The following CACNG6 variants were observed in gnomAD, a reference collection of about 807,000 sequenced individuals.
The protein encoded by CACNG6 is voltage-dependent calcium channel gamma-6 subunit.
Under a neutral mutation model 23.9 loss-of-function variants are expected in CACNG6, and 21 were observed. The observed-to-expected ratio is 0.88, with a 90% CI of 0.62 to 1.26. CACNG6 has a LOEUF of 1.26. CACNG6 is among the 50% of genes most tolerant of loss of function. CACNG6 has a pLI of 0.00. For synonymous variants in CACNG6, 182 were observed against 168.9 expected (o/e 1.08, Z -0.60); for missense variants, 340 against 352.9 (o/e 0.96, Z 0.29).
At chr19:54,002,284 G>GTTTTTTTTTTTTTTTGTT (rs139176353) in intron 3 of CACNG6, among the ~76,000 whole-genome samples, 3 of 117,422 alleles carry the variant, frequency 2.6e-5, no homozygotes, top group South Asian at 2.5e-4. Flanking sequence ...TGTTTTTTTT[G>GTTTTTTTTTTTTTTTGTT]TTTTTTTTTT....
intron 1 of CACNG6, among the ~76,000 whole-genome samples, chr19:53,994,383 C>T (rs1024599464): frequency 3.3e-5 from 5 of 152,174 alleles, no homozygotes; most frequent in Non-Finnish European, 5.9e-5. Context: ...CATACTCCCT[C>T]CTTTCCCAAA....
chr19:54,011,439 A>C (rs994921474), intron 3 of CACNG6, among the ~76,000 whole-genome samples: 1 of 148,478 alleles, frequency 6.7e-6, no homozygotes, highest in African/African-American at 2.5e-5. Context: ...TCAAAAAAAA[A>C]AAAAAAAAAA....
At chr19:54,004,338 TGTGTGTGTGTGTG>T (rs2069614160) in intron 3 of CACNG6, among the ~76,000 whole-genome samples, 293 of 20,714 alleles carry the variant, frequency 0.014, 8 homozygotes, top group African/African-American at 0.031. Flanking sequence ...TGTATTTTTG[TGTGTGTGTGTGTG>T]TGTGTGTGTG....
intron 3 of CACNG6, among the ~76,000 whole-genome samples, chr19:54,011,363 G>A (rs1371019909): frequency 6.9e-6 from 1 of 145,084 alleles, no homozygotes; most frequent in Non-Finnish European, 1.5e-5. Context: ...ATCAGGAGGC[G>A]GAGTTTGCAA....
chr19:53,995,103 T>A (rs1383228641), intron 1 of CACNG6, among the ~76,000 whole-genome samples: 1 of 152,000 alleles, frequency 6.6e-6, no homozygotes, highest in Admixed American at 6.6e-5. Flanking sequence ...CCCAGGCTAG[T>A]TAGATGGAAT....
intron 1 of CACNG6, among the ~76,000 whole-genome samples, chr19:53,995,139 A>G (rs2069507900): frequency 6.6e-6 from 1 of 152,094 alleles, no homozygotes; most frequent in Admixed American, 6.5e-5. Flanking sequence ...CTCTCTTCTC[A>G]ACAACTGCAT....
chr19:53,999,803 T>C (rs777690695), intron 3 of CACNG6, 32 bp downstream of exon 3: 2 of 1,609,408 alleles, frequency 1.2e-6, no homozygotes, highest in South Asian at 1.1e-5. Context: ...GCTGAGGACA[T>C]TGCATGCTGG....
chr19:54,006,091 AAAATAAAT>A (rs71193802), intron 3 of CACNG6, among the ~76,000 whole-genome samples: 11 of 140,590 alleles, frequency 7.8e-5, no homozygotes, highest in African/African-American at 2.3e-4. Flanking sequence ...CTCTGTTTCA[AAAATAAAT>A]AAATAAATAA....
chr19:53,992,911 A>G lies in CACNG6; in HGVS notation c.34A>G (p.Asn12Asp). 1 of 1,405,850 alleles carries G rather than the reference A, an allele frequency of 7.1e-7. No individual in the cohort carries two copies. The highest frequency in any genetic ancestry group is 1.9e-5 in the South Asian group (1 of 52,440). 87.1% of individuals were successfully genotyped at this position (1,405,850 alleles called of 1,614,324 possible). A position where few individuals can be genotyped will look rare whatever the true frequency, so the allele number is the denominator to read the frequency against. The change falls in exon 1 of 4, where the codon AAC becomes GAC. Residue 12 changes from asparagine to aspartate, a missense_variant. By Grantham distance (23) the Asn-to-Asp change is conservative (BLOSUM62 1). Coordinates refer to ENST00000252729, the MANE Select transcript of CACNG6 (RefSeq NM_145814.2). The surrounding 1 kb of genome is among the most constrained non-coding windows in gnomAD (Gnocchi z 4.1). ...MWSNFFLQEE[N>D]RRRGAAGRRR... is the part of the protein sequence containing the mutation. ...GTCCAACTTCTTCCTGCAAGAGGAGAACCGGCGGCGGGGGGCCGCGGGCCG... is the reference window on the plus strand; with the variant it reads ...GTCCAACTTCTTCCTGCAAGAGGAGGACCGGCGGCGGGGGGCCGCGGGCCG...
Position 53,992,601 on chromosome 19 carries a change from C to G in CACNG6, c.-277C>G. On this transcript the variant is annotated 5_prime_UTR_variant, in exon 1 of 4. Transcript: ENST00000252729. The surrounding 1 kb of genome is among the most constrained non-coding windows in gnomAD (Gnocchi z 4.1). Reference sequence around the variant, plus strand: ...GGGGGCCTTGTTTTTCCTCTGGGCCCCGTCTTCTTTGCCAAGTTCTTGAGG... The same window carrying G: ...GGGGGCCTTGTTTTTCCTCTGGGCCGCGTCTTCTTTGCCAAGTTCTTGAGG... 3.5e-6 allele frequency: 1 copy of G among 285,680 alleles called. No individual in the cohort carries two copies. The highest frequency in any genetic ancestry group is 6.5e-6 in the Non-Finnish European group (1 of 154,448). 17.7% of individuals were successfully genotyped at this position (285,680 alleles called of 1,614,324 possible). A position where few individuals can be genotyped will look rare whatever the true frequency, so the allele number is the denominator to read the frequency against.
chr19:53,991,346 TTGCTGCCCCGCCCGTCTCC>T (rs2069456256), upstream of CACNG6, among the ~76,000 whole-genome samples: 6 of 151,676 alleles, frequency 4.0e-5, no homozygotes, highest in South Asian at 1.3e-3. Context: ...CCAGTCAGAC[TTGCTGCCCCGCCCGTCTCC>T]TGCTGCCCGG....
chr19:53,994,493 C>T (rs2069501423), intron 1 of CACNG6, among the ~76,000 whole-genome samples: 1 of 152,104 alleles, frequency 6.6e-6, no homozygotes, highest in Non-Finnish European at 1.5e-5. Flanking sequence ...CATTCTATAC[C>T]CCTTGGGAAC....
chr19:54,012,099 G>A lies in CACNG6; in HGVS notation c.693G>A (p.Leu231=). 2 of 1,576,238 alleles carry A rather than the reference G, an allele frequency of 1.3e-6. No individual in the cohort carries two copies. Among genetic ancestry groups the A allele is most frequent in the Non-Finnish European group, 1.7e-6 (2 of 1,163,214 alleles). ...LGCGVGAGLI[L]LLGAGCFLLL... is the part of the protein sequence containing the mutation. Reference sequence around the variant, plus strand: ...GCGGCGTGGGGGCCGGCCTGATCCTGCTGTTGGGGGCCGGCTGCTTTCTGC... The same window carrying A: ...GCGGCGTGGGGGCCGGCCTGATCCTACTGTTGGGGGCCGGCTGCTTTCTGC... Residue 231 remains leucine, a synonymous_variant, in exon 4 of 4, where the codon CTG becomes CTA. Transcript: ENST00000252729.
Position 53,992,064 on chromosome 19 carries a change from T to C in CACNG6, c.-814T>C, listed in dbSNP as rs1303406457. Reference sequence around the variant, plus strand: ...CCACCGGCCCCTTTTCCAGGCTCAGTAGAGACCTCGGATCTTTTCTGAATG... The same window carrying C: ...CCACCGGCCCCTTTTCCAGGCTCAGCAGAGACCTCGGATCTTTTCTGAATG... On this transcript the variant is annotated 5_prime_UTR_variant, in exon 1 of 4. Coordinates refer to ENST00000252729, the MANE Select transcript of CACNG6 (RefSeq NM_145814.2). This position sits in a 1 kb window ranked among gnomAD's most constrained non-coding sequence, Gnocchi z 4.1. Among the ~76,000 whole-genome samples, 1 of 152,166 alleles carries C rather than the reference T, an allele frequency of 6.6e-6. No homozygotes were observed. The highest frequency in any genetic ancestry group is 1.5e-5 in the Non-Finnish European group (1 of 68,026).
chr19:54,006,627 G>A (rs891857796), intron 3 of CACNG6, among the ~76,000 whole-genome samples: 18 of 143,140 alleles, frequency 1.3e-4, no homozygotes, highest in African/African-American at 2.8e-4. Flanking sequence ...TCCCCCTCCC[G>A]GGTTCAAGTG....
At chr19:53,999,897 G>T in intron 3 of CACNG6, 126 bp downstream of exon 3, 1 of 1,200,442 alleles carries the variant, frequency 8.3e-7, no homozygotes, top group South Asian at 1.5e-5. Context: ...TCTATGCACT[G>T]TTGCATGCTG....
chr19:54,009,256 A>C (rs1020497387), intron 3 of CACNG6, among the ~76,000 whole-genome samples: 2 of 152,098 alleles, frequency 1.3e-5, no homozygotes, highest in African/African-American at 4.8e-5. Context: ...CCCCGTCTCT[A>C]CTAAAAACAC....
intron 3 of CACNG6, among the ~76,000 whole-genome samples, chr19:54,011,090 C>T (rs186273142): frequency 0.014 from 2,132 of 150,536 alleles, 23 homozygotes; most frequent in Non-Finnish European, 0.021. Context: ...CGGTGGCTCT[C>T]ACCTGTCATC....
chr19:54,005,249 A>ATAAT (rs954587437), intron 3 of CACNG6, among the ~76,000 whole-genome samples: 7 of 110,162 alleles, frequency 6.4e-5, no homozygotes, highest in Non-Finnish European at 1.2e-4. Flanking sequence ...AAATAAATAA[A>ATAAT]TAATAATAAA....
Sources: gnomAD v4.1 joint callset for allele counts (sites outside exome capture counted in the v4.1 genomes callset) on GRCh38, gnomAD v4.1.1 for gene constraint, Gnocchi (gnomAD v3.1) non-coding constraint, MANE v1.5 for transcripts, NCBI Gene and HGNC (gene_info 2026-07-23, HGNC 2026-07-21) for gene names.